PDE10A: variants seen among roughly 807,000 people sequenced by gnomAD.
The protein encoded by PDE10A is cAMP and cAMP-inhibited cGMP 3',5'-cyclic phosphodiesterase 10A.
Under a neutral mutation model 97.7 loss-of-function variants are expected in PDE10A, and 39 were observed. That is an observed-to-expected ratio of 0.40 (90% CI 0.31 to 0.52). The LOEUF (loss-of-function observed/expected upper bound fraction) is 0.52. PDE10A is among the 20% of genes least tolerant of loss of function. The pLI, the probability that PDE10A is intolerant of heterozygous loss-of-function variation, is 0.56. For missense variants in PDE10A, 731 were observed against 1,047.8 expected, an observed-to-expected ratio of 0.70 and a Z score of 4.17; for synonymous variants, 371 against 376.8, an observed-to-expected ratio of 0.98 and a Z score of 0.18.
At chr6:165,976,775 C>A (rs7746967) in intron 1 of PDE10A, among the ~76,000 whole-genome samples, 2,625 of 152,332 alleles carry the variant, frequency 0.017, 73 homozygotes, top group African/African-American at 0.059. Flanking sequence ...ACCACACCAG[C>A]TCACAATAAC....
chr6:165,505,460 C>T (rs1345996971), intron 2 of PDE10A, among the ~76,000 whole-genome samples: 1 of 151,986 alleles, frequency 6.6e-6, no homozygotes, highest in Non-Finnish European at 1.5e-5. Context: ...TACACTGATC[C>T]AACTTTCAAA....
intron 1 of PDE10A, among the ~76,000 whole-genome samples, chr6:165,724,154 A>G (rs557339261): frequency 2.0e-4 from 31 of 152,322 alleles, no homozygotes; most frequent in Non-Finnish European, 3.8e-4. Flanking sequence ...TTTATGCTTG[A>G]CGTCTTTGCC....
intron 1 of PDE10A, among the ~76,000 whole-genome samples, chr6:165,830,860 C>A (rs1475550279): frequency 2.0e-5 from 3 of 152,152 alleles, no homozygotes; most frequent in African/African-American, 7.2e-5. Flanking sequence ...AATCCAAAAG[C>A]TGATTTTAAA....
chr6:165,487,381 G>T (rs1449372598), intron 2 of PDE10A, among the ~76,000 whole-genome samples: 3 of 152,150 alleles, frequency 2.0e-5, no homozygotes, highest in Non-Finnish European at 1.5e-5. Context: ...CTGTCTAGTT[G>T]CAGGGAAAAA....
intron 1 of PDE10A, among the ~76,000 whole-genome samples, chr6:165,557,308 GA>G: frequency 6.6e-6 from 1 of 151,878 alleles, no homozygotes; most frequent in East Asian, 1.9e-4. Flanking sequence ...AGAGACCAAA[GA>G]AAGAGACTTA....
intron 13 of PDE10A, among the ~76,000 whole-genome samples, chr6:165,397,118 G>T (rs1475742979): frequency 1.3e-5 from 2 of 152,124 alleles, no homozygotes; most frequent in Non-Finnish European, 2.9e-5. Context: ...GGTACATTTT[G>T]CCATCCTGTT....
chr6:165,409,888 GTT>G (rs58019647), intron 13 of PDE10A, among the ~76,000 whole-genome samples: 438 of 140,516 alleles, frequency 3.1e-3, no homozygotes, highest in African/African-American at 0.011. Context: ...CTTTTCAGAA[GTT>G]TTTTTTTTTT....
intron 1 of PDE10A, among the ~76,000 whole-genome samples, chr6:165,865,667 A>G (rs560771922): frequency 6.6e-6 from 1 of 152,252 alleles, no homozygotes; most frequent in East Asian, 1.9e-4. Flanking sequence ...CAAGAGCTTC[A>G]ACAATTGACT....
chr6:165,523,052 G>A (rs1250432953), intron 2 of PDE10A, among the ~76,000 whole-genome samples: 1 of 151,684 alleles, frequency 6.6e-6, no homozygotes, highest in Non-Finnish European at 1.5e-5. Flanking sequence ...AAATACCTAG[G>A]AATGCATCTA....
chr6:165,423,319 C>A (rs1788856893), intron 10 of PDE10A, among the ~76,000 whole-genome samples: 1 of 152,096 alleles, frequency 6.6e-6, no homozygotes. Flanking sequence ...TATAAAGTAC[C>A]TACAAATTTA....
intron 1 of PDE10A, among the ~76,000 whole-genome samples, chr6:165,629,504 G>A (rs1009918590): frequency 6.7e-6 from 1 of 149,766 alleles, no homozygotes; most frequent in African/African-American, 2.5e-5. Context: ...AGTAGAGAAT[G>A]AAGGAATATT....
chr6:165,398,636 A>C (rs1186506126), intron 13 of PDE10A, among the ~76,000 whole-genome samples: 1 of 152,194 alleles, frequency 6.6e-6, no homozygotes, highest in Non-Finnish European at 1.5e-5. Flanking sequence ...CCTGCAAACT[A>C]ATCAGCCACA....
intron 1 of PDE10A, among the ~76,000 whole-genome samples, chr6:165,620,186 T>A (rs1392441340): frequency 6.6e-6 from 1 of 152,192 alleles, no homozygotes; most frequent in Non-Finnish European, 1.5e-5. Context: ...CGGGCCACGA[T>A]ACATTTTGCA....
intron 1 of PDE10A, among the ~76,000 whole-genome samples, chr6:165,893,280 C>T (rs893216562): frequency 5.9e-5 from 9 of 152,196 alleles, no homozygotes; most frequent in South Asian, 4.1e-4. Flanking sequence ...CCTCGCCCTG[C>T]GAATGCCCTT....
In PDE10A at chr6:165,891,105, G is replaced by A. The variant is rs565943031; in HGVS notation, c.-615+96424C>T. ...TGAGCCCTCTGTGCATTCTGATCAC[G>A]TTGTCACCCATTGCGTTCCTTAAAG... On this transcript the variant is annotated intron_variant, in intron 1 of 19. Coordinates refer to the PDE10A transcript ENST00000366882. Among the ~76,000 whole-genome samples, 8 of 152,310 alleles carry A rather than the reference G, an allele frequency of 5.3e-5. No individual in the cohort carries two copies. The South Asian group carries it at 1.0e-3, about 20-fold the overall frequency.
At chr6:165,470,778 C>T (rs745509367) in intron 3 of PDE10A, among the ~76,000 whole-genome samples, 4 of 150,574 alleles carry the variant, frequency 2.7e-5, no homozygotes, top group Non-Finnish European at 2.9e-5. Flanking sequence ...CAGGGCCTCT[C>T]TAAGCCCTTA....
chr6:165,455,142 T>TTTA (rs201182338), intron 3 of PDE10A, among the ~76,000 whole-genome samples: 2 of 152,066 alleles, frequency 1.3e-5, no homozygotes, highest in Admixed American at 6.6e-5. Flanking sequence ...ACATTAATTC[T>TTTA]TTATTATTAT....
chr6:165,434,147 T>C (rs1258137487), intron 6 of PDE10A, among the ~76,000 whole-genome samples: 1 of 151,532 alleles, frequency 6.6e-6, no homozygotes, highest in East Asian at 1.9e-4. Context: ...CTTCATGAAA[T>C]AGTGTAACTC....
At chr6:165,765,524 C>T (rs1349204467) in intron 1 of PDE10A, among the ~76,000 whole-genome samples, 1 of 152,262 alleles carries the variant, frequency 6.6e-6, no homozygotes, top group Non-Finnish European at 1.5e-5. Context: ...AGCCGCTGGC[C>T]CGGGTGCTAA....
Sources: allele counts gnomAD v4.1 joint callset (sites outside exome capture counted in the v4.1 genomes callset), GRCh38; gene constraint gnomAD v4.1.1; transcripts MANE v1.5; gene names NCBI Gene and HGNC (gene_info 2026-07-23, HGNC 2026-07-21).